The following PLCB1 variants were observed in gnomAD, a reference collection of about 807,000 sequenced individuals.
The protein encoded by PLCB1 is 1-phosphatidylinositol 4,5-bisphosphate phosphodiesterase beta-1.
Under a neutral mutation model 161.8 loss-of-function variants are expected in PLCB1, and 46 were observed. The ratio of observed to expected loss-of-function variants is 0.28; its 90% CI spans 0.22 to 0.36. The LOEUF (loss-of-function observed/expected upper bound fraction) is 0.36. PLCB1 is among the 10% of genes least tolerant of loss of function. PLCB1 has a pLI of 1.00. For missense variants in PLCB1, 1,016 were observed against 1,472.5 expected, an observed-to-expected ratio of 0.69 and a Z score of 5.07; for synonymous variants, 517 against 503.7, an observed-to-expected ratio of 1.03 and a Z score of -0.35.
intron 2 of PLCB1, among the ~76,000 whole-genome samples, chr20:8,254,487 G>A (rs758191011): frequency 1.3e-5 from 2 of 151,762 alleles, no homozygotes. Flanking sequence ...AGGTAATTAC[G>A]AAGACACTGG....
At chr20:8,466,321 T>C (rs1248955195) in intron 3 of PLCB1, among the ~76,000 whole-genome samples, 1 of 110,062 alleles carries the variant, frequency 9.1e-6, no homozygotes, top group Non-Finnish European at 1.9e-5. Context: ...CTGGGGACTG[T>C]TGTGGGGTGG....
intron 2 of PLCB1, among the ~76,000 whole-genome samples, chr20:8,214,979 C>T (rs1370208114): frequency 6.6e-6 from 1 of 152,188 alleles, no homozygotes; most frequent in East Asian, 1.9e-4. Context: ...AAATAGGTTT[C>T]CCACCATCTA....
chr20:8,851,475 A>T (rs1047436742), intron 31 of PLCB1, among the ~76,000 whole-genome samples: 3 of 152,132 alleles, frequency 2.0e-5, no homozygotes, highest in Non-Finnish European at 4.4e-5. Flanking sequence ...CTGAGTGTCT[A>T]CTCAACTTTC....
chr20:8,833,984 GA>G (rs200987549), intron 31 of PLCB1, among the ~76,000 whole-genome samples: 4 of 148,346 alleles, frequency 2.7e-5, no homozygotes, highest in South Asian at 2.1e-4. Flanking sequence ...TCAGAGCTCA[GA>G]AAAAAAAAAT....
At chr20:8,289,244 A>T (rs1163020760) in intron 2 of PLCB1, among the ~76,000 whole-genome samples, 2 of 152,222 alleles carry the variant, frequency 1.3e-5, no homozygotes, top group Non-Finnish European at 1.5e-5. Context: ...CCTGTCTAAC[A>T]CTGCTTTAAA....
chr20:8,410,594 G>A (rs987122315), intron 3 of PLCB1, among the ~76,000 whole-genome samples: 14 of 151,978 alleles, frequency 9.2e-5, no homozygotes, highest in Admixed American at 9.2e-4. Flanking sequence ...CTTGACACGT[G>A]AGCCTCTACT....
At chr20:8,844,218 G>C (rs6086637) in intron 31 of PLCB1, among the ~76,000 whole-genome samples, 98,123 of 152,152 alleles carry the variant, frequency 0.64, 32,012 homozygotes, top group East Asian at 0.79. Context: ...CTCTGCCGTT[G>C]TCCTTTTGTT....
chr20:8,270,105 A>G (rs950292193), intron 2 of PLCB1, among the ~76,000 whole-genome samples: 1 of 152,124 alleles, frequency 6.6e-6, no homozygotes, highest in African/African-American at 2.4e-5. Flanking sequence ...TTACCAAACA[A>G]TCTCTATCAA....
At chr20:8,717,038 A>AC (rs1399127120) in intron 13 of PLCB1, among the ~76,000 whole-genome samples, 1 of 152,072 alleles carries the variant, frequency 6.6e-6, no homozygotes, top group Non-Finnish European at 1.5e-5. Context: ...ATATCTAATG[A>AC]CCCCCTCATG....
At chr20:8,425,289 C>G (rs931869515) in intron 3 of PLCB1, among the ~76,000 whole-genome samples, 10 of 152,070 alleles carry the variant, frequency 6.6e-5, no homozygotes, top group African/African-American at 2.4e-4. Context: ...AGCCAACTTC[C>G]CATCTGCCGC....
intron 3 of PLCB1, among the ~76,000 whole-genome samples, chr20:8,445,686 A>C (rs1980791476): frequency 6.6e-6 from 1 of 152,218 alleles, no homozygotes; most frequent in East Asian, 1.9e-4. Context: ...TGAGCATGGA[A>C]TGTTCTTCCA....
intron 3 of PLCB1, among the ~76,000 whole-genome samples, chr20:8,528,795 G>A (rs558435981): frequency 6.6e-6 from 1 of 151,866 alleles, no homozygotes; most frequent in Admixed American, 6.6e-5. Flanking sequence ...TAGATAATAC[G>A]TATTCAATCA....
intron 2 of PLCB1, among the ~76,000 whole-genome samples, chr20:8,283,506 TA>T (rs1300461401): frequency 1.3e-5 from 2 of 151,344 alleles, no homozygotes; most frequent in Non-Finnish European, 2.9e-5. Context: ...TAACAGTCTT[TA>T]AAACTTTATT....
intron 1 of PLCB1, among the ~76,000 whole-genome samples, chr20:8,134,141 T>G (rs2051319820): frequency 6.6e-6 from 1 of 152,268 alleles, no homozygotes; most frequent in Non-Finnish European, 1.5e-5. Flanking sequence ...TCCAGTCTAA[T>G]TGTACTGAAT....
At chr20:8,556,659 GTGTGTGTGTGT>G (rs1985964448) in intron 3 of PLCB1, among the ~76,000 whole-genome samples, 1 of 8,000 alleles carries the variant, frequency 1.3e-4, no homozygotes, top group African/African-American at 4.1e-4. Context: ...AGGGTTGGGT[GTGTGTGTGTGT>G]GTGTGTGTGT....
chr20:8,230,441 A>G (rs1026224695), intron 2 of PLCB1, among the ~76,000 whole-genome samples: 3 of 152,010 alleles, frequency 2.0e-5, no homozygotes, highest in Admixed American at 1.3e-4. Context: ...AGCTATTTTG[A>G]AATAAACAAT....
chr20:8,609,224 C>A (rs1345595993), intron 3 of PLCB1, among the ~76,000 whole-genome samples: 1 of 152,116 alleles, frequency 6.6e-6, no homozygotes, highest in East Asian at 1.9e-4. Context: ...TCATTACTTT[C>A]AATGGCAGAA....
intron 3 of PLCB1, among the ~76,000 whole-genome samples, chr20:8,566,481 CAT>C (rs1459251467): frequency 1.3e-5 from 2 of 152,106 alleles, no homozygotes; most frequent in African/African-American, 4.8e-5. Flanking sequence ...TTTTAGGAAG[CAT>C]GTGAATATGA....
intron 2 of PLCB1, among the ~76,000 whole-genome samples, chr20:8,298,835 C>G (rs1389173984): frequency 6.6e-6 from 1 of 152,128 alleles, no homozygotes; most frequent in Non-Finnish European, 1.5e-5. Flanking sequence ...AGCAGAGCAT[C>G]TAAAACATAA....
Sources: gnomAD v4.1 joint callset for allele counts (sites outside exome capture counted in the v4.1 genomes callset) on GRCh38, gnomAD v4.1.1 for gene constraint, MANE v1.5 for transcripts, NCBI Gene and HGNC (gene_info 2026-07-23, HGNC 2026-07-21) for gene names.